CUBN: variants seen among roughly 807,000 people sequenced by gnomAD.
CUBN encodes 460 kDa receptor.
A neutral mutation model predicts 405.3 loss-of-function variants in CUBN; 282 were observed. The observed-to-expected ratio is 0.70, with a 90% CI of 0.63 to 0.77. The LOEUF (loss-of-function observed/expected upper bound fraction) is 0.77. Among genes scored for constraint, CUBN ranks in the 30% least tolerant of loss-of-function variants. The pLI, the probability that CUBN is intolerant of heterozygous loss-of-function variation, is 0.00. For synonymous variants in CUBN, 1,684 were observed against 1,617.0 expected (o/e 1.04, Z -0.99); for missense variants, 4,514 against 4,475.2 (o/e 1.01, Z -0.25).
chr10:16,952,352 A>C lies in CUBN; in HGVS notation c.4893T>G (p.Thr1631=), dbSNP rs1168283254. The C allele has an allele frequency of 2.5e-6, 4 of 1,613,868 alleles. No homozygotes were observed. The highest frequency in any genetic ancestry group is 3.4e-6 in the Non-Finnish European group (4 of 1,179,880). The part of the protein sequence containing the change: ...GGHILTSSFD[T]VSSPRFPANY... ...TGGCAGGGAACCGTGGAGAGGAAAC[A>C]GTATCAAATGAGCTGGTGAGGATGT... Residue 1631 remains threonine (T), a synonymous_variant, in exon 33 of 67, where the codon ACT becomes ACG. Coordinates refer to ENST00000377833, the MANE Select transcript of CUBN (RefSeq NM_001081.4).
chr10:16,984,487 C>T (rs964601798), intron 29 of CUBN, among the ~76,000 whole-genome samples: 3 of 152,002 alleles, frequency 2.0e-5, no homozygotes, highest in African/African-American at 7.3e-5. Flanking sequence ...GTTCAATCAC[C>T]CATAAAATGC....
At chr10:16,892,274 G>A (rs965423740) in intron 54 of CUBN, among the ~76,000 whole-genome samples, 5 of 152,000 alleles carry the variant, frequency 3.3e-5, no homozygotes, top group Admixed American at 2.6e-4. Context: ...GGTGCCTGGC[G>A]CTGGACCTAC....
intron 22 of CUBN, among the ~76,000 whole-genome samples, chr10:17,065,292 C>T (rs1016917086): frequency 2.0e-5 from 3 of 152,072 alleles, no homozygotes; most frequent in Non-Finnish European, 2.9e-5. Flanking sequence ...AACCACAGTA[C>T]AATTACCAAC....
intron 59 of CUBN, among the ~76,000 whole-genome samples, chr10:16,860,225 T>C (rs1839976046): frequency 6.6e-6 from 1 of 152,164 alleles, no homozygotes; most frequent in African/African-American, 2.4e-5. Flanking sequence ...ACACATTAAA[T>C]TCTTCAATAG....
chr10:16,979,186 T>G (rs1488972239), intron 31 of CUBN, among the ~76,000 whole-genome samples: 2 of 151,970 alleles, frequency 1.3e-5, no homozygotes, highest in Non-Finnish European at 2.9e-5. Flanking sequence ...CTCAAGGAAA[T>G]AAGAGAGGAC....
At chr10:16,891,053 G>C (rs887424124) in intron 54 of CUBN, among the ~76,000 whole-genome samples, 3 of 152,108 alleles carry the variant, frequency 2.0e-5, no homozygotes, top group Admixed American at 6.5e-5. Context: ...GGAATTGTAG[G>C]GTCCATTTTG....
intron 4 of CUBN, among the ~76,000 whole-genome samples, chr10:17,126,304 A>C (rs1837189317): frequency 6.6e-6 from 1 of 152,222 alleles, no homozygotes; most frequent in African/African-American, 2.4e-5. Flanking sequence ...TTCTGTAAGA[A>C]ACTGTTCAAG....
chr10:16,950,204 G>C lies in CUBN; in HGVS notation c.4970-93C>G, dbSNP rs141613327. The C allele has an allele frequency of 2.8e-3, 2,285 of 820,430 alleles. 33 individuals are homozygous for C. The African/African-American group carries it at 0.033, about 12-fold the overall frequency. The allele number at this position is 820,430 out of a possible 1,614,324, so 50.8% of individuals were successfully genotyped here. On this transcript the variant is annotated intron_variant, in intron 33 of 66. Transcript: ENST00000377833. Reference sequence around the variant, plus strand: ...AGACGGGGAGGTGGGGATGGTTAATGACTATAAAAAATAGAAGGAATGAGT... The same window carrying C: ...AGACGGGGAGGTGGGGATGGTTAATCACTATAAAAAATAGAAGGAATGAGT...
chr10:16,904,468 C>T lies in CUBN; in HGVS notation c.7913-353G>A, dbSNP rs561619318. On this transcript the variant is annotated intron_variant, in intron 50 of 66. Transcript: ENST00000377833. ...TTTGTAGGGTGTAAGAAATATAATA[C>T]CAACAGTGATAAAATATATCCTCAA... 3.9e-5 allele frequency among the ~76,000 whole-genome samples: 6 copies of T among 152,160 alleles called. No individual in the cohort carries two copies. In the South Asian group the frequency reaches 8.3e-4, roughly 21 times the overall value.
At chr10:17,104,339 G>A in intron 12 of CUBN, 80 bp downstream of exon 12, 2 of 1,316,674 alleles carry the variant, frequency 1.5e-6, no homozygotes, top group Non-Finnish European at 2.2e-6. Flanking sequence ...GGGTTCAGCA[G>A]AGGAATCTGT....
At chr10:16,942,380 C>T (rs139820664) in intron 36 of CUBN, among the ~76,000 whole-genome samples, 174 of 152,076 alleles carry the variant, frequency 1.1e-3, no homozygotes, top group African/African-American at 1.1e-3. Flanking sequence ...TCCTGCAACT[C>T]GAAAATTAAA....
intron 27 of CUBN, among the ~76,000 whole-genome samples, chr10:17,029,721 A>T (rs1464319074): frequency 6.6e-6 from 1 of 152,214 alleles, no homozygotes; most frequent in East Asian, 1.9e-4. Flanking sequence ...CTGCCCAGGA[A>T]GCGTTGGCGG....
chr10:16,905,698 G>C (rs1479418851), intron 50 of CUBN, among the ~76,000 whole-genome samples: 3 of 152,176 alleles, frequency 2.0e-5, no homozygotes, highest in African/African-American at 7.2e-5. Context: ...TGTTCCTGGG[G>C]TTCGTTTTCC....
chr10:16,883,868 G>C (rs1210426196), intron 56 of CUBN, among the ~76,000 whole-genome samples: 1 of 152,178 alleles, frequency 6.6e-6, no homozygotes, highest in Non-Finnish European at 1.5e-5. Context: ...GAAACACTGA[G>C]TTTACAGTTT....
intron 59 of CUBN, among the ~76,000 whole-genome samples, chr10:16,862,376 G>T (rs1327476319): frequency 6.6e-6 from 1 of 152,066 alleles, no homozygotes; most frequent in South Asian, 2.1e-4. Context: ...GTAAAATGGG[G>T]TAATTCCTGT....
At chr10:17,036,436 TCC>T (rs1428927945) in intron 27 of CUBN, among the ~76,000 whole-genome samples, 1 of 152,134 alleles carries the variant, frequency 6.6e-6, no homozygotes, top group African/African-American at 2.4e-5. Context: ...TCTCTTGGCT[TCC>T]CACCTTCTCC....
chr10:16,906,506 T>C (rs1000228493), intron 49 of CUBN, 97 bp from the exon 50 acceptor site: 10 of 870,716 alleles, frequency 1.1e-5, no homozygotes, highest in Admixed American at 1.9e-5. Context: ...ACATCAACAT[T>C]ACTGCTTTGA....
intron 6 of CUBN, among the ~76,000 whole-genome samples, chr10:17,117,975 G>A (rs1836945549): frequency 6.6e-6 from 1 of 152,164 alleles, no homozygotes; most frequent in Non-Finnish European, 1.5e-5. Flanking sequence ...TAAGAAGATT[G>A]TCTTTATTTT....
At chr10:17,082,173 A>G (rs1384844570) in intron 17 of CUBN, among the ~76,000 whole-genome samples, 3 of 152,170 alleles carry the variant, frequency 2.0e-5, no homozygotes, top group African/African-American at 7.2e-5. Context: ...GCTTCTTTTT[A>G]TCATTTATTT....
Sources: gnomAD v4.1 joint callset for allele counts (sites outside exome capture counted in the v4.1 genomes callset) on GRCh38, gnomAD v4.1.1 for gene constraint, MANE v1.5 for transcripts, NCBI Gene and HGNC (gene_info 2026-07-23, HGNC 2026-07-21) for gene names.